CSMD1: variants seen among roughly 807,000 people sequenced by gnomAD.
The protein encoded by CSMD1 is CUB and sushi domain-containing protein 1.
CSMD1 carries 213 observed loss-of-function variants against 417.5 expected under a neutral mutation model. The observed-to-expected ratio is 0.51, with a 90% confidence interval of 0.46 to 0.57. The LOEUF (loss-of-function observed/expected upper bound fraction) is 0.57, where lower values mean the gene tolerates loss of function less well. CSMD1 is among the 20% of genes least tolerant of loss of function. The pLI is 0.00. For missense variants in CSMD1, 6,923 were observed against 4,529.7 expected, an observed-to-expected ratio of 1.53 and a Z score of -15.17; for synonymous variants, 2,862 against 1,736.8, an observed-to-expected ratio of 1.65 and a Z score of -16.11.
chr8:3,381,416 T>C (rs1810618564), intron 18 of CSMD1, among the ~76,000 whole-genome samples: 1 of 152,212 alleles, frequency 6.6e-6, no homozygotes, highest in Non-Finnish European at 1.5e-5. Flanking sequence ...AACATTCAAG[T>C]AAAATTATTG....
At chr8:3,727,706 G>C (rs1345963239) in intron 6 of CSMD1, among the ~76,000 whole-genome samples, 2 of 152,132 alleles carry the variant, frequency 1.3e-5, no homozygotes, top group Admixed American at 1.3e-4. Context: ...CCAAGGAGGG[G>C]CAGAAAGACT....
chr8:4,635,074 G>A (rs539058736), intron 2 of CSMD1, among the ~76,000 whole-genome samples: 8 of 152,238 alleles, frequency 5.3e-5, no homozygotes, highest in East Asian at 1.9e-4. Flanking sequence ...TAAACAAGTA[G>A]AAATATGACA....
rs1277362555 is a variant in CSMD1, at chr8:3,714,561, C to A, written c.932-6070G>T. On this transcript the variant is annotated intron_variant, in intron 6 of 69. Transcript: ENST00000635120. ...ACATGGCGAAACCCCATCTCTATCC[C>A]AAAAAAAAAAAAAAAAAAAATTAGC... Among the ~76,000 whole-genome samples, 12 of 70,574 alleles carry A rather than the reference C, an allele frequency of 1.7e-4. 1 individual carries two copies. The highest frequency in any genetic ancestry group is 1.1e-3 in the South Asian group (2 of 1,790). 46.3% of individuals were successfully genotyped at this position (70,574 alleles called of 152,430 possible).
intron 5 of CSMD1, among the ~76,000 whole-genome samples, chr8:3,912,070 G>A (rs1340476022): frequency 1.3e-5 from 2 of 152,076 alleles, no homozygotes; most frequent in Non-Finnish European, 2.9e-5. Flanking sequence ...ATTTGACTGA[G>A]TCTTTTCAAA....
intron 4 of CSMD1, among the ~76,000 whole-genome samples, chr8:4,029,371 A>G (rs141632870): frequency 2.0e-5 from 3 of 152,204 alleles, no homozygotes; most frequent in Non-Finnish European, 4.4e-5. Flanking sequence ...ATACAGTTCT[A>G]TATGGCTGGG....
chr8:4,079,317 C>A (rs1309993931), intron 3 of CSMD1, among the ~76,000 whole-genome samples: 1 of 152,122 alleles, frequency 6.6e-6, no homozygotes, highest in Non-Finnish European at 1.5e-5. Context: ...TGTGACTAGG[C>A]AATGTCTGCA....
rs576367507 is a variant in CSMD1, at chr8:3,294,489, C to A, written c.3951-10143G>T. Among the ~76,000 whole-genome samples, 5 of 152,148 alleles carry A rather than the reference C, an allele frequency of 3.3e-5. 1 individual carries two copies. The East Asian group carries it at 7.8e-4, about 24-fold the overall frequency. ...GCTCCACCCAGTTCAAGCTTCTGGG[C>A]CGTTTTTTTAGTCATTCAAGCCTTG... On this transcript the variant is annotated intron_variant, in intron 25 of 69. Coordinates refer to ENST00000635120, the MANE Select transcript of CSMD1 (RefSeq NM_033225.6).
At chr8:3,868,801 T>C (rs919895758) in intron 5 of CSMD1, among the ~76,000 whole-genome samples, 6 of 152,202 alleles carry the variant, frequency 3.9e-5, no homozygotes, top group African/African-American at 1.4e-4. Context: ...ATAAGTAGAA[T>C]CTGATCAGTC....
intron 5 of CSMD1, among the ~76,000 whole-genome samples, chr8:3,836,462 G>A (rs529541469): frequency 1.3e-5 from 2 of 152,288 alleles, no homozygotes; most frequent in South Asian, 2.1e-4. Flanking sequence ...TAGGGAAACT[G>A]TAGAGGAGAT....
intron 7 of CSMD1, among the ~76,000 whole-genome samples, chr8:3,663,730 G>T (rs1798539870): frequency 6.6e-6 from 1 of 152,152 alleles, no homozygotes; most frequent in Non-Finnish European, 1.5e-5. Context: ...TTTGCTTTGA[G>T]TTGTCCTGCC....
chr8:4,178,831 C>A (rs549311390), intron 3 of CSMD1, among the ~76,000 whole-genome samples: 4 of 152,244 alleles, frequency 2.6e-5, no homozygotes, highest in African/African-American at 7.2e-5. Context: ...TTCACAATTC[C>A]TTCAAAGAGA....
chr8:3,931,010 C>G (rs7015804), intron 5 of CSMD1, among the ~76,000 whole-genome samples: 53,213 of 149,946 alleles, frequency 0.35, 11,268 homozygotes, highest in African/African-American at 0.43. Context: ...GTTAACTAGC[C>G]ATAGTGCTAA....
chr8:3,492,886 G>T (rs1002194926), intron 11 of CSMD1, among the ~76,000 whole-genome samples: 1 of 152,064 alleles, frequency 6.6e-6, no homozygotes, highest in Non-Finnish European at 1.5e-5. Flanking sequence ...AGTCTGGAAA[G>T]GTGTATGGCA....
At chr8:3,928,324 T>A (rs1193986830) in intron 5 of CSMD1, among the ~76,000 whole-genome samples, 1 of 152,200 alleles carries the variant, frequency 6.6e-6, no homozygotes, top group Non-Finnish European at 1.5e-5. Flanking sequence ...TTCTTTTAAT[T>A]GCCAGGACTG....
intron 17 of CSMD1, among the ~76,000 whole-genome samples, chr8:3,391,515 G>C (rs1297033649): frequency 6.6e-6 from 1 of 152,138 alleles, no homozygotes. Context: ...ATTATATACA[G>C]ACACTGTGCC....
chr8:4,062,568 C>A (rs1243753129), intron 3 of CSMD1, among the ~76,000 whole-genome samples: 2 of 152,018 alleles, frequency 1.3e-5, no homozygotes, highest in South Asian at 4.2e-4. Context: ...TGAAACATAT[C>A]CTATAAAAGT....
At chr8:4,078,071 G>A (rs1197247816) in intron 3 of CSMD1, among the ~76,000 whole-genome samples, 1 of 152,084 alleles carries the variant, frequency 6.6e-6, no homozygotes, top group Non-Finnish European at 1.5e-5. Flanking sequence ...ATGTTTGTAA[G>A]AAATGCCTAC....
At chr8:4,055,958 C>A (rs1324083672) in intron 3 of CSMD1, among the ~76,000 whole-genome samples, 8 of 152,174 alleles carry the variant, frequency 5.3e-5, no homozygotes, top group African/African-American at 1.9e-4. Context: ...AAATGAAACA[C>A]ACCCTACCTG....
intron 5 of CSMD1, among the ~76,000 whole-genome samples, chr8:3,791,520 C>A (rs372215516): frequency 2.0e-5 from 3 of 152,126 alleles, no homozygotes; most frequent in Admixed American, 6.5e-5. Context: ...AGGGTATGGA[C>A]AATTTTAAAA....
Sources: allele counts gnomAD v4.1 joint callset (sites outside exome capture counted in the v4.1 genomes callset), GRCh38; gene constraint gnomAD v4.1.1; transcripts MANE v1.5; gene names NCBI Gene and HGNC (gene_info 2026-07-23, HGNC 2026-07-21).